ATRN: variants seen among roughly 807,000 people sequenced by gnomAD.
ATRN encodes attractin, also known as attractin-2.
In ATRN, 54 loss-of-function variants were observed where a neutral mutation model predicts 178.7. That is an observed-to-expected ratio of 0.30 (90% CI 0.24 to 0.38). The LOEUF is 0.38. ATRN is among the 10% of genes least tolerant of loss of function. The pLI, the probability that ATRN is intolerant of heterozygous loss-of-function variation, is 1.00. For synonymous variants in ATRN, 636 were observed against 663.0 expected (o/e 0.96, Z 0.63); for missense variants, 1,443 against 1,815.1 (o/e 0.79, Z 3.73).
In ATRN at chr20:3,578,743, C is replaced by G. The variant is rs773234703; in HGVS notation, c.2515C>G (p.Leu839Val). Residue 839 changes from leucine (L) to valine (V), a missense_variant, in exon 15 of 29, where the codon CTG (leucine) becomes GTG (valine). Around this residue, in one of 4 missense-constraint regions of ATRN, gnomAD observed 212 missense variants for 330.7 expected, o/e 0.64. Transcript: ENST00000262919. The stretch of plus-strand genomic sequence containing the variant: ...GAAGGTAGAATTTGTCCTTAAGCAG[C>G]TGCGAATAATGCAGTCATCTCAGAG... ...QKKVEFVLKQ[L>V]RIMQSSQSMS... 6.2e-7 allele frequency: 1 copy of G among 1,613,556 alleles called. No homozygotes were observed. The highest frequency in any genetic ancestry group is 1.7e-5 in the Admixed American group (1 of 59,916).
At chr20:3,578,466 G>A (rs983881903) in intron 14 of ATRN, 116 bp from the exon 15 acceptor site, 75 of 881,340 alleles carry the variant, frequency 8.5e-5, no homozygotes, top group Non-Finnish European at 1.1e-4. Flanking sequence ...TCCTAATGAA[G>A]TACCTAGAAT....
chr20:3,630,916 CTTTTTTTTTTTTTTTTTTTTTTTTTTTT>C lies in ATRN; in HGVS notation c.3864-3374_3864-3347del, dbSNP rs368394749. On this transcript the variant is annotated intron_variant, in intron 25 of 28. Coordinates refer to ENST00000262919, the MANE Select transcript of ATRN (RefSeq NM_139321.3). ...ACCATGTCTAAAAGAATTTATTTAG[CTTTTTTTTTTTTTTTTTTTTTTTTTTTT>C]TTTTTTTTTTTTTTTTTTTTGGGAT... Among the ~76,000 whole-genome samples the C allele has an allele frequency of 6.3e-3, 272 of 43,460 alleles. 4 individuals are homozygous for C. The highest frequency in any genetic ancestry group is 0.025 in the African/African-American group (249 of 10,160). The allele number at this position is 43,460 out of a possible 152,430, so 28.5% of individuals were successfully genotyped here.
rs556486582 is a variant in ATRN at position 3,541,791 on chromosome 20, A to G, written c.608+1456A>G. 2.6e-5 allele frequency among the ~76,000 whole-genome samples: 4 copies of G among 152,234 alleles called. No homozygotes were observed. The South Asian group carries it at 8.3e-4, about 32-fold the overall frequency. On this transcript the variant is annotated intron_variant, in intron 3 of 28. Coordinates refer to ENST00000262919, the MANE Select transcript of ATRN (RefSeq NM_139321.3). Reference sequence around the variant, plus strand: ...AGGAAACCATAGTTTTCAGTTTTTCACCTGCAACTGGCTTTCTAAATTTCT... The same window carrying G: ...AGGAAACCATAGTTTTCAGTTTTTCGCCTGCAACTGGCTTTCTAAATTTCT...
At chr20:3,501,198 AAG>A (rs1450681872) in intron 1 of ATRN, among the ~76,000 whole-genome samples, 1 of 152,304 alleles carries the variant, frequency 6.6e-6, no homozygotes, top group Admixed American at 6.5e-5. Context: ...TGGTGTGGAA[AAG>A]AGGAGATACA....
intron 18 of ATRN, 97 bp from the exon 19 acceptor site, chr20:3,591,071 TA>T (rs1398540148): frequency 1.6e-6 from 2 of 1,271,796 alleles, no homozygotes; most frequent in Non-Finnish European, 2.1e-6. Context: ...TTATCAAAGA[TA>T]AATTAACTAC....
chr20:3,637,037 G>T (rs1029686373), intron 26 of ATRN, among the ~76,000 whole-genome samples: 5 of 152,204 alleles, frequency 3.3e-5, no homozygotes, highest in Non-Finnish European at 7.3e-5. Flanking sequence ...ACTGGAAATT[G>T]TTTGCAGTGT....
intron 6 of ATRN, among the ~76,000 whole-genome samples, chr20:3,551,247 C>T (rs917362546): frequency 1.3e-5 from 2 of 152,188 alleles, no homozygotes; most frequent in African/African-American, 4.8e-5. Context: ...CCAGTTTTAG[C>T]ACTGAGTCTT....
At chr20:3,640,122 G>T (rs1344318124) in intron 27 of ATRN, among the ~76,000 whole-genome samples, 1 of 152,160 alleles carries the variant, frequency 6.6e-6, no homozygotes, top group East Asian at 1.9e-4. Flanking sequence ...AGAAATAAAA[G>T]ATGAAATCAT....
chr20:3,575,694 C>T, intron 12 of ATRN, 133 bp from the exon 13 acceptor site: 1 of 998,998 alleles, frequency 1.0e-6, no homozygotes, highest in Non-Finnish European at 1.5e-6. Context: ...CAGAACATAC[C>T]AAATATATTT....
chr20:3,637,376 G>T (rs1303251915), intron 26 of ATRN, among the ~76,000 whole-genome samples: 1 of 152,172 alleles, frequency 6.6e-6, no homozygotes, highest in Non-Finnish European at 1.5e-5. Context: ...CTGTCTTATT[G>T]TGACCCCAGC....
intron 1 of ATRN, chr20:3,489,433 C>T (rs1465319433): frequency 4.0e-6 from 3 of 752,804 alleles, no homozygotes; most frequent in Non-Finnish European, 7.2e-6. Context: ...GACTACGTAG[C>T]AAAGGGTCTT....
intron 6 of ATRN, among the ~76,000 whole-genome samples, chr20:3,552,724 A>G (rs1297422709): frequency 6.6e-6 from 1 of 152,126 alleles, no homozygotes; most frequent in African/African-American, 2.4e-5. Flanking sequence ...GGCAGAATCA[A>G]TTTCCTTGTA....
At chr20:3,643,736 T>C (rs1240806876) in intron 27 of ATRN, among the ~76,000 whole-genome samples, 1 of 152,216 alleles carries the variant, frequency 6.6e-6, no homozygotes, top group Admixed American at 6.5e-5. Context: ...TTTTTAAGTC[T>C]CCATGATATC....
chr20:3,543,058 T>G (rs74876145), intron 3 of ATRN, among the ~76,000 whole-genome samples: 3,605 of 152,288 alleles, frequency 0.024, 130 homozygotes, highest in African/African-American at 0.083. Flanking sequence ...TGGTTAACCC[T>G]TCATTTACAT....
chr20:3,581,551 G>C (rs1484557413), intron 15 of ATRN, among the ~76,000 whole-genome samples: 1 of 152,084 alleles, frequency 6.6e-6, no homozygotes, highest in African/African-American at 2.4e-5. Context: ...TAGAATATTT[G>C]CATTATACTA....
intron 1 of ATRN, among the ~76,000 whole-genome samples, chr20:3,499,967 T>A (rs375743928): frequency 1.3e-5 from 2 of 151,830 alleles, no homozygotes; most frequent in South Asian, 2.1e-4. Context: ...GAATCTACAA[T>A]GAACTCAAAC....
chr20:3,589,068 C>T (rs149971318), intron 18 of ATRN, among the ~76,000 whole-genome samples: 65 of 149,362 alleles, frequency 4.4e-4, no homozygotes, highest in African/African-American at 1.4e-3. Context: ...CTGCAACCTC[C>T]GCCTCCAGGG....
rs1275534877 is a variant in ATRN at position 3,582,142 on chromosome 20, T to C, written c.2552T>C (p.Leu851Pro). 1.2e-6 allele frequency: 2 copies of C among 1,613,968 alleles called. No individual in the cohort carries two copies. Among genetic ancestry groups the C allele is most frequent in the Admixed American group, 1.7e-5 (1 of 60,030 alleles). ...TGTCTCTTTTGCCTTTAGTCCAAGCTCACCTTAACCCCATGGGTCGGCCTT... is the reference window on the plus strand; with the variant it reads ...TGTCTCTTTTGCCTTTAGTCCAAGCCCACCTTAACCCCATGGGTCGGCCTT... ...IMQSSQSMSK[L>P]TLTPWVGLRK... The change falls in exon 16 of 29, where the codon CTC (leucine) becomes CCC (proline). Residue 851 changes from leucine to proline, a missense_variant. Leu to Pro is a moderately conservative substitution (Grantham distance 98). Transcript: ENST00000262919.
At chr20:3,544,808 A>G (rs944793018) in intron 3 of ATRN, among the ~76,000 whole-genome samples, 2 of 147,006 alleles carry the variant, frequency 1.4e-5, no homozygotes, top group Non-Finnish European at 3.0e-5. Flanking sequence ...CATCATTTAG[A>G]CCCTTTTACT....
Sources: allele counts gnomAD v4.1 joint callset (sites outside exome capture counted in the v4.1 genomes callset), GRCh38; gene constraint gnomAD v4.1.1; regional missense constraint gnomAD v4.1.1; transcripts MANE v1.5; gene names NCBI Gene and HGNC (gene_info 2026-07-23, HGNC 2026-07-21).